Variants in MMP16 observed in about 807,000 individuals in gnomAD.
MMP16 encodes matrix metallopeptidase 16.
Under a neutral mutation model 67.8 loss-of-function variants are expected in MMP16, and 12 were observed. The observed-to-expected ratio is 0.18, with a 90% confidence interval of 0.11 to 0.29. The LOEUF is 0.29. MMP16 is among the 10% of genes least tolerant of loss of function. The pLI is 1.00. For missense variants in MMP16, 475 were observed against 765.7 expected, an observed-to-expected ratio of 0.62 and a Z score of 4.48; for synonymous variants, 249 against 255.9, an observed-to-expected ratio of 0.97 and a Z score of 0.26.
intron 4 of MMP16, among the ~76,000 whole-genome samples, chr8:88,136,473 C>CA (rs1383689747): frequency 1.3e-5 from 2 of 151,708 alleles, no homozygotes; most frequent in Non-Finnish European, 2.9e-5. Context: ...CCTATGTAAT[C>CA]AATTCCCAGA....
intron 1 of MMP16, among the ~76,000 whole-genome samples, chr8:88,294,027 GAATA>G (rs1586004432): frequency 6.6e-6 from 1 of 152,076 alleles, no homozygotes; most frequent in East Asian, 1.9e-4. Flanking sequence ...CACTCAATCA[GAATA>G]AATACAGAGT....
At chr8:88,267,455 T>C (rs1408298442) in intron 1 of MMP16, among the ~76,000 whole-genome samples, 1 of 152,210 alleles carries the variant, frequency 6.6e-6, no homozygotes, top group Admixed American at 6.5e-5. Context: ...CACTTGCACC[T>C]ATTAATGTGC....
In MMP16 at chr8:88,044,203, T is replaced by C. The variant is rs144124791; in HGVS notation, c.1490-2408A>G. 3.4e-3 allele frequency among the ~76,000 whole-genome samples: 514 copies of C among 152,278 alleles called. 5 individuals are homozygous for C. Among genetic ancestry groups the C allele is most frequent in the African/African-American group, 0.011 (477 of 41,560 alleles). ...GCTCATGCCTGTAATCCCAGCACTT[T>C]GGGAGGCCGAGGCAAGAGGATTGCT... On this transcript the variant is annotated intron_variant, in intron 9 of 9. Transcript: ENST00000286614.
intron 6 of MMP16, among the ~76,000 whole-genome samples, chr8:88,100,878 C>CA (rs2118377073): frequency 6.7e-6 from 1 of 150,374 alleles, no homozygotes; most frequent in South Asian, 2.1e-4. Flanking sequence ...ATTGCAAGAA[C>CA]AAAAAACCAA....
intron 1 of MMP16, among the ~76,000 whole-genome samples, chr8:88,202,329 C>T (rs1289872732): frequency 1.3e-5 from 2 of 152,086 alleles, no homozygotes; most frequent in East Asian, 3.9e-4. Flanking sequence ...TATTTTATAC[C>T]TTAACAGGAA....
chr8:88,079,377 G>A lies in MMP16; in HGVS notation c.1084-4634C>T, dbSNP rs76543044. On this transcript the variant is annotated intron_variant, in intron 6 of 9. Coordinates refer to ENST00000286614, the MANE Select transcript of MMP16 (RefSeq NM_005941.5). Reference sequence around the variant, plus strand: ...GTTCTATTTCATTATTGTTAATCTCGTACTGTGCCTACTTTATAAGTTAAA... The same window carrying A: ...GTTCTATTTCATTATTGTTAATCTCATACTGTGCCTACTTTATAAGTTAAA... Among the ~76,000 whole-genome samples the A allele has an allele frequency of 9.0e-3, 1,366 of 152,080 alleles. 27 individuals carry two copies. Among genetic ancestry groups the A allele is most frequent in the African/African-American group, 0.03 (1,260 of 41,478 alleles).
intron 1 of MMP16, among the ~76,000 whole-genome samples, chr8:88,266,577 C>T (rs950759794): frequency 1.3e-5 from 2 of 152,122 alleles, no homozygotes; most frequent in African/African-American, 2.4e-5. Context: ...ACCCATTTGG[C>T]GTCCCCATTT....
At chr8:88,106,253 T>C (rs1232218008) in intron 6 of MMP16, among the ~76,000 whole-genome samples, 4 of 151,170 alleles carry the variant, frequency 2.6e-5, no homozygotes, top group Non-Finnish European at 5.9e-5. Context: ...AATCTGGGTA[T>C]AAGTATGTGT....
chr8:88,256,839 G>A (rs1274004469), intron 1 of MMP16, among the ~76,000 whole-genome samples: 2 of 152,028 alleles, frequency 1.3e-5, no homozygotes. Context: ...GCTTTTGTGA[G>A]GTCATCATAG....
chr8:88,326,109 C>T (rs1811533362), intron 1 of MMP16, among the ~76,000 whole-genome samples: 1 of 151,874 alleles, frequency 6.6e-6, no homozygotes, highest in Non-Finnish European at 1.5e-5. Flanking sequence ...CAGAGGACAT[C>T]AGATCTAATC....
chr8:88,246,270 C>A (rs1183433874), intron 1 of MMP16, among the ~76,000 whole-genome samples: 1 of 152,090 alleles, frequency 6.6e-6, no homozygotes, highest in Non-Finnish European at 1.5e-5. Flanking sequence ...AAGTTATAGA[C>A]CAAGTATTTT....
intron 1 of MMP16, among the ~76,000 whole-genome samples, chr8:88,288,175 A>T (rs1020275504): frequency 1.3e-5 from 2 of 152,166 alleles, no homozygotes; most frequent in Non-Finnish European, 2.9e-5. Flanking sequence ...TAAACATAAT[A>T]CACTCCAACA....
At chr8:88,172,924 T>C (rs1452852462) in intron 3 of MMP16, among the ~76,000 whole-genome samples, 2 of 152,134 alleles carry the variant, frequency 1.3e-5, no homozygotes, top group Non-Finnish European at 2.9e-5. Context: ...CAAAATAATA[T>C]AATAAAAATA....
chr8:88,289,647 GT>G (rs1476126205), intron 1 of MMP16, among the ~76,000 whole-genome samples: 4 of 151,050 alleles, frequency 2.6e-5, no homozygotes, highest in African/African-American at 4.9e-5. Context: ...CAGTTGCCGT[GT>G]ACTCTGAATT....
rs530947508 is a variant in MMP16, at chr8:88,062,833, C to T, written c.1223-6555G>A. Among the ~76,000 whole-genome samples the T allele has an allele frequency of 3.3e-5, 5 of 152,046 alleles. No homozygotes were observed. The East Asian group carries it at 7.7e-4, about 24-fold the overall frequency. On this transcript the variant is annotated intron_variant, in intron 7 of 9. Coordinates refer to ENST00000286614, the MANE Select transcript of MMP16 (RefSeq NM_005941.5). Reference sequence around the variant, plus strand: ...AAAAAAATTAAAAAAGAAGAAAAAACGTAAATGACTTTGTTTCTACTTTTC... The same window carrying T: ...AAAAAAATTAAAAAAGAAGAAAAAATGTAAATGACTTTGTTTCTACTTTTC...
intron 4 of MMP16, among the ~76,000 whole-genome samples, chr8:88,151,305 CA>C (rs1808402366): frequency 6.7e-6 from 1 of 148,664 alleles, no homozygotes; most frequent in Non-Finnish European, 1.5e-5. Flanking sequence ...ACAGATCAAC[CA>C]GACAGAAAGT....
chr8:88,163,662 T>C (rs536150625), intron 4 of MMP16, among the ~76,000 whole-genome samples: 11 of 152,220 alleles, frequency 7.2e-5, no homozygotes, highest in Admixed American at 1.3e-4. Context: ...GTGATATGTT[T>C]GTGTTTACAT....
At chr8:88,125,608 T>C (rs1213009208) in intron 4 of MMP16, among the ~76,000 whole-genome samples, 5 of 151,968 alleles carry the variant, frequency 3.3e-5, no homozygotes, top group Non-Finnish European at 7.4e-5. Flanking sequence ...CTATACTTTT[T>C]ATTCCTTTGG....
intron 1 of MMP16, among the ~76,000 whole-genome samples, chr8:88,275,270 T>C (rs1315077417): frequency 6.6e-6 from 1 of 151,946 alleles, no homozygotes; most frequent in Admixed American, 6.6e-5. Flanking sequence ...ATGACAGATA[T>C]ACAAAATGAA....
Sources: gnomAD v4.1 joint callset for allele counts (sites outside exome capture counted in the v4.1 genomes callset) on GRCh38, gnomAD v4.1.1 for gene constraint, MANE v1.5 for transcripts, NCBI Gene and HGNC (gene_info 2026-07-23, HGNC 2026-07-21) for gene names.